NOVA1: variants seen among roughly 807,000 people sequenced by gnomAD.
NOVA1 encodes the protein NOVA alternative splicing regulator 1.
Under a neutral mutation model 38.0 loss-of-function variants are expected in NOVA1, and 7 were observed. The ratio of observed to expected loss-of-function variants is 0.18; its 90% CI spans 0.10 to 0.35. The LOEUF (loss-of-function observed/expected upper bound fraction) is 0.35, where lower values mean the gene tolerates loss of function less well. Among genes scored for constraint, NOVA1 ranks in the 10% least tolerant of loss-of-function variants. NOVA1 has a pLI of 1.00. For missense variants in NOVA1, 460 were observed against 616.0 expected, an observed-to-expected ratio of 0.75 and a Z score of 2.68; for synonymous variants, 270 against 232.5, an observed-to-expected ratio of 1.16 and a Z score of -1.47.
chr14:26,482,009 A>C (rs1307379407), intron 2 of NOVA1, among the ~76,000 whole-genome samples: 1 of 111,260 alleles, frequency 9.0e-6, no homozygotes, highest in Admixed American at 1.0e-4. Flanking sequence ...AAAAAAAAAA[A>C]AAAAACATGG....
chr14:26,485,429 A>C (rs1885808694), intron 2 of NOVA1, among the ~76,000 whole-genome samples: 1 of 152,160 alleles, frequency 6.6e-6, no homozygotes, highest in Non-Finnish European at 1.5e-5. Flanking sequence ...ACGTGGTAAA[A>C]GTTTTTTGAG....
At chr14:26,570,982 A>C (rs1341804026) in intron 2 of NOVA1, among the ~76,000 whole-genome samples, 1 of 152,050 alleles carries the variant, frequency 6.6e-6, no homozygotes, top group African/African-American at 2.4e-5. Context: ...GTTCACATAC[A>C]TGCACAGCTG....
Position 26,447,830 on chromosome 14 carries a change from C to T in NOVA1, c.*129G>A. 1.5e-6 allele frequency: 1 copy of T among 681,612 alleles called. No homozygotes were observed. The highest frequency in any genetic ancestry group is 2.5e-6 in the Non-Finnish European group (1 of 396,924). 42.2% of individuals were successfully genotyped at this position (681,612 alleles called of 1,614,324 possible). A position where few individuals can be genotyped will look rare whatever the true frequency, so the allele number is the denominator to read the frequency against. Reference sequence around the variant, plus strand: ...ATTATTTACATATACACATTGTCAACATAGTCGCATTCATTTGCATAATTA... The same window carrying T: ...ATTATTTACATATACACATTGTCAATATAGTCGCATTCATTTGCATAATTA... On this transcript the variant is annotated 3_prime_UTR_variant, in exon 5 of 5. Coordinates refer to ENST00000539517, the MANE Select transcript of NOVA1 (RefSeq NM_002515.3).
chr14:26,467,246 A>AGTT (rs1233291985), intron 4 of NOVA1, among the ~76,000 whole-genome samples: 4 of 152,238 alleles, frequency 2.6e-5, no homozygotes, highest in African/African-American at 9.6e-5. Flanking sequence ...CTGGAAGCCA[A>AGTT]GTAAACAAAG....
Position 26,443,543 on chromosome 14 carries a change from T to C in NOVA1, c.*4416A>G, listed in dbSNP as rs181363359. On this transcript the variant is annotated 3_prime_UTR_variant, in exon 5 of 5. Coordinates refer to ENST00000539517, the MANE Select transcript of NOVA1 (RefSeq NM_002515.3). ...TAACATGACAAGTTCTCTAATACTT[T>C]CATTTTTTGAAAGAAAAGTTATTTA... 31 of 152,402 alleles carry C rather than the reference T, an allele frequency of 2.0e-4. No homozygotes were observed. The highest frequency in any genetic ancestry group is 2.0e-3 in the Admixed American group (31 of 15,250). 9.4% of individuals were successfully genotyped at this position (152,402 alleles called of 1,614,324 possible).
intron 2 of NOVA1, among the ~76,000 whole-genome samples, chr14:26,495,731 G>C (rs1886720571): frequency 6.8e-6 from 1 of 147,198 alleles, no homozygotes; most frequent in South Asian, 2.2e-4. Context: ...CCACCTATGA[G>C]TGAGAATATG....
chr14:26,490,755 T>A (rs966716758), intron 2 of NOVA1, among the ~76,000 whole-genome samples: 1 of 151,768 alleles, frequency 6.6e-6, no homozygotes, highest in Non-Finnish European at 1.5e-5. Flanking sequence ...CATTGCTTAC[T>A]GCAGCCACAA....
Position 26,516,564 on chromosome 14 carries a change from T to C in NOVA1, c.281-36421A>G, listed in dbSNP as rs966109513. Among the ~76,000 whole-genome samples, 75 of 152,198 alleles carry C rather than the reference T, an allele frequency of 4.9e-4. 1 individual carries two copies. The highest frequency in any genetic ancestry group is 1.9e-4 in the Non-Finnish European group (13 of 68,032). On this transcript the variant is annotated intron_variant, in intron 2 of 4. Coordinates refer to ENST00000539517, the MANE Select transcript of NOVA1 (RefSeq NM_002515.3). ...GAACAGTGTCAGGTAGGAGCCAAGA[T>C]ACAAATTTGTTTACATATTTCCTAT... is the stretch of plus-strand genomic sequence containing the variant.
At chr14:26,528,714 T>C (rs1295689134) in intron 2 of NOVA1, among the ~76,000 whole-genome samples, 1 of 152,204 alleles carries the variant, frequency 6.6e-6, no homozygotes, top group Non-Finnish European at 1.5e-5. Context: ...AGCTGCTGAT[T>C]GCAGGAGTGA....
chr14:26,468,928 A>C (rs1214849035), intron 4 of NOVA1, among the ~76,000 whole-genome samples: 1 of 152,196 alleles, frequency 6.6e-6, no homozygotes, highest in Non-Finnish European at 1.5e-5. Context: ...TTAAAACCAA[A>C]ATTTAATTTT....
At chr14:26,451,049 C>T (rs1882626149) in intron 4 of NOVA1, among the ~76,000 whole-genome samples, 1 of 151,912 alleles carries the variant, frequency 6.6e-6, no homozygotes, top group African/African-American at 2.4e-5. Context: ...GTAATGGTTT[C>T]CTGCATGATA....
At chr14:26,562,784 C>A (rs1344624430) in intron 2 of NOVA1, among the ~76,000 whole-genome samples, 1 of 152,120 alleles carries the variant, frequency 6.6e-6, no homozygotes, top group Non-Finnish European at 1.5e-5. Context: ...AGGTTTACTA[C>A]CCTACTTTAC....
chr14:26,544,335 G>C (rs2138611730), intron 2 of NOVA1, among the ~76,000 whole-genome samples: 1 of 152,042 alleles, frequency 6.6e-6, no homozygotes, highest in Admixed American at 6.6e-5. Flanking sequence ...AGAAGTCTTT[G>C]ATGAATCCAG....
chr14:26,456,090 G>A (rs143225017), intron 4 of NOVA1, among the ~76,000 whole-genome samples: 1,581 of 152,000 alleles, frequency 0.01, 20 homozygotes, highest in Middle Eastern at 0.037. Flanking sequence ...TAAGACATAT[G>A]TTCAGAGTTC....
intron 2 of NOVA1, among the ~76,000 whole-genome samples, chr14:26,532,202 C>T (rs1035099620): frequency 7.9e-5 from 12 of 152,020 alleles, no homozygotes; most frequent in South Asian, 2.1e-4. Flanking sequence ...CCAAGATAAA[C>T]GAAAGCATAA....
At chr14:26,564,273 C>T (rs140747283) in intron 2 of NOVA1, among the ~76,000 whole-genome samples, 424 of 152,222 alleles carry the variant, frequency 2.8e-3, no homozygotes, top group Non-Finnish European at 4.8e-3. Flanking sequence ...TTGTAGCTAA[C>T]GGTACTAACA....
At chr14:26,565,355 C>T (rs1411702508) in intron 2 of NOVA1, among the ~76,000 whole-genome samples, 1 of 152,116 alleles carries the variant, frequency 6.6e-6, no homozygotes, top group Non-Finnish European at 1.5e-5. Context: ...AGAAGTCTAT[C>T]GCCCATCCCA....
chr14:26,479,761 G>A lies in NOVA1; in HGVS notation c.447+216C>T, dbSNP rs1594368638. The A allele has an allele frequency of 1.3e-4, 61 of 454,692 alleles. No individual in the cohort carries two copies. The East Asian group carries it at 1.9e-3, about 14-fold the overall frequency. The allele number at this position is 454,692 out of a possible 1,614,324, so 28.2% of individuals were successfully genotyped here. On this transcript the variant is annotated intron_variant, in intron 3 of 4. Transcript: ENST00000539517. ...AAGAGTCACATAAGTGCTCCTCAAT[G>A]TAACACTAATAAATGAATAATTCAA...
chr14:26,592,208 A>T (rs1380513842), intron 2 of NOVA1, among the ~76,000 whole-genome samples: 1 of 151,562 alleles, frequency 6.6e-6, no homozygotes, highest in Non-Finnish European at 1.5e-5. Flanking sequence ...AACCAATATG[A>T]TTATTAACAA....
Sources: allele counts gnomAD v4.1 joint callset (sites outside exome capture counted in the v4.1 genomes callset), GRCh38; gene constraint gnomAD v4.1.1; transcripts MANE v1.5; gene names NCBI Gene and HGNC (gene_info 2026-07-23, HGNC 2026-07-21).